Variants in HS3ST2 observed in about 807,000 individuals in gnomAD.
HS3ST2 encodes the protein heparan sulfate-glucosamine 3-sulfotransferase 2.
Under a neutral mutation model 26.3 loss-of-function variants are expected in HS3ST2, and 17 were observed. The observed-to-expected ratio is 0.65, with a 90% CI of 0.44 to 0.97. The LOEUF is 0.97. Among genes scored for constraint, HS3ST2 ranks in the 50% least tolerant of loss-of-function variants. The pLI is 0.00. For missense variants in HS3ST2, 402 were observed against 501.2 expected (o/e 0.80, Z 1.89); for synonymous variants, 237 against 219.2 (o/e 1.08, Z -0.72).
intron 1 of HS3ST2, among the ~76,000 whole-genome samples, chr16:22,908,884 G>T (rs1170859375): frequency 6.6e-6 from 1 of 152,130 alleles, no homozygotes; most frequent in Non-Finnish European, 1.5e-5. Context: ...GTAAAAGATA[G>T]GTTAAAATTC....
At chr16:22,900,233 C>G (rs1260267560) in intron 1 of HS3ST2, among the ~76,000 whole-genome samples, 1 of 152,212 alleles carries the variant, frequency 6.6e-6, no homozygotes, top group Non-Finnish European at 1.5e-5. Context: ...GCCATGCATG[C>G]TGTTTCGTGG....
At chr16:22,831,237 G>A (rs1484473405) in intron 1 of HS3ST2, among the ~76,000 whole-genome samples, 1 of 152,208 alleles carries the variant, frequency 6.6e-6, no homozygotes, top group Non-Finnish European at 1.5e-5. Flanking sequence ...TTTGTTTTTA[G>A]CCACTAGTGG....
chr16:22,883,480 T>C (rs1485304956), intron 1 of HS3ST2, among the ~76,000 whole-genome samples: 1 of 152,240 alleles, frequency 6.6e-6, no homozygotes, highest in Non-Finnish European at 1.5e-5. Flanking sequence ...GGGTCTGTGC[T>C]ATGTAGGGTG....
chr16:22,853,650 G>A (rs1179709788), intron 1 of HS3ST2, among the ~76,000 whole-genome samples: 1 of 152,110 alleles, frequency 6.6e-6, no homozygotes, highest in East Asian at 1.9e-4. Context: ...GATGAGATGG[G>A]CCTGAAGGTG....
At chr16:22,875,663 AGCCACCGCAGTGTG>A (rs1901905729) in intron 1 of HS3ST2, among the ~76,000 whole-genome samples, 1 of 152,158 alleles carries the variant, frequency 6.6e-6, no homozygotes, top group African/African-American at 2.4e-5. Flanking sequence ...TACAGGCATG[AGCCACCGCAGTGTG>A]GCCTAAGTGT....
At chr16:22,819,826 T>A (rs895099206) in intron 1 of HS3ST2, among the ~76,000 whole-genome samples, 10 of 152,260 alleles carry the variant, frequency 6.6e-5, no homozygotes, top group African/African-American at 2.4e-4. Flanking sequence ...CATTATCCAG[T>A]TCATTTTCAT....
In HS3ST2 at chr16:22,864,882, C is replaced by CAAAAAAAAAAAA. The variant is rs34942780; in HGVS notation, c.485+49796_485+49807dup. On this transcript the variant is annotated intron_variant, in intron 1 of 1. Coordinates refer to ENST00000261374, the MANE Select transcript of HS3ST2 (RefSeq NM_006043.2). The stretch of plus-strand genomic sequence containing the variant: ...GCAACATAGGGAGACCCTGTCTCCA[C>CAAAAAAAAAAAA]AAAAAAAAAAAAAAAAAAAATAGCC... Among the ~76,000 whole-genome samples, 122 of 57,076 alleles carry CAAAAAAAAAAAA rather than the reference C, an allele frequency of 2.1e-3. 11 individuals carry two copies. Among genetic ancestry groups the CAAAAAAAAAAAA allele is most frequent in the East Asian group, 5.0e-3 (11 of 2,222 alleles). 37.4% of individuals were successfully genotyped at this position (57,076 alleles called of 152,430 possible). A position where few individuals can be genotyped will look rare whatever the true frequency, so the allele number is the denominator to read the frequency against.
intron 1 of HS3ST2, among the ~76,000 whole-genome samples, chr16:22,830,061 A>C (rs1202519063): frequency 6.6e-6 from 1 of 152,152 alleles, no homozygotes; most frequent in Non-Finnish European, 1.5e-5. Context: ...CCCCAGACAG[A>C]CAGCCAGCAA....
intron 1 of HS3ST2, among the ~76,000 whole-genome samples, chr16:22,857,962 A>C (rs1273910281): frequency 6.6e-6 from 1 of 152,178 alleles, no homozygotes; most frequent in African/African-American, 2.4e-5. Flanking sequence ...TAAGTAGGAT[A>C]GCTTTTGCGG....
At chr16:22,894,672 G>A (rs1902181336) in intron 1 of HS3ST2, among the ~76,000 whole-genome samples, 1 of 151,932 alleles carries the variant, frequency 6.6e-6, no homozygotes, top group Non-Finnish European at 1.5e-5. Flanking sequence ...CCCAAGGTGG[G>A]CGGATCACTT....
chr16:22,851,299 C>A (rs1779515761), intron 1 of HS3ST2, among the ~76,000 whole-genome samples: 1 of 152,194 alleles, frequency 6.6e-6, no homozygotes. Context: ...AAACCACCTG[C>A]ATTTTATGTG....
chr16:22,899,708 C>T (rs1350910778), intron 1 of HS3ST2, among the ~76,000 whole-genome samples: 15 of 152,186 alleles, frequency 9.9e-5, no homozygotes. Context: ...AGCAAAAACA[C>T]GTCTTACATG....
At chr16:22,905,369 A>G (rs138285152) in intron 1 of HS3ST2, among the ~76,000 whole-genome samples, 56 of 151,284 alleles carry the variant, frequency 3.7e-4, no homozygotes, top group African/African-American at 1.4e-3. Context: ...TCAAAAATAT[A>G]ATTTCCAGAA....
In HS3ST2 at chr16:22,915,259, T is replaced by C; in HGVS notation, c.801T>C (p.Ala267=). The C allele has an allele frequency of 6.2e-7, 1 of 1,613,976 alleles. No homozygotes were observed. Among genetic ancestry groups the C allele is most frequent in the Non-Finnish European group, 8.5e-7 (1 of 1,180,016 alleles). Residue 267 remains alanine (A), a synonymous_variant, in exon 2 of 2, where the codon GCT becomes GCC. Coordinates refer to ENST00000261374, the MANE Select transcript of HS3ST2 (RefSeq NM_006043.2). ...GCTGGCTGCAGTACTTCCCGCTAGCTCAGATTCACTTCGTCAGTGGCGAGC... is the reference window on the plus strand; with the variant it reads ...GCTGGCTGCAGTACTTCCCGCTAGCCCAGATTCACTTCGTCAGTGGCGAGC... ...LESWLQYFPL[A]QIHFVSGERL... is the part of the protein sequence containing the mutation.
rs1384026489 is a variant in HS3ST2 at position 22,814,600 on chromosome 16, C to A, written c.-11C>A. 2.0e-6 allele frequency: 3 copies of A among 1,522,126 alleles called. No homozygotes were observed. The highest frequency in any genetic ancestry group is 5.1e-5 in the East Asian group (2 of 39,168). The allele number at this position is 1,522,126 out of a possible 1,614,324, so 94.3% of individuals were successfully genotyped here. ...CGGAAACCATGACCCCCGGCGCGGGCCCATGGAGCCATGGCCTATAGGGTC... is the reference window on the plus strand; with the variant it reads ...CGGAAACCATGACCCCCGGCGCGGGACCATGGAGCCATGGCCTATAGGGTC... On this transcript the variant is annotated 5_prime_UTR_variant, in exon 1 of 2. Coordinates refer to ENST00000261374, the MANE Select transcript of HS3ST2 (RefSeq NM_006043.2).
At chr16:22,877,305 G>C (rs901039434) in intron 1 of HS3ST2, among the ~76,000 whole-genome samples, 3 of 152,184 alleles carry the variant, frequency 2.0e-5, no homozygotes, top group Admixed American at 2.0e-4. Flanking sequence ...AGAGGAGCAG[G>C]AATACCTTTG....
intron 1 of HS3ST2, among the ~76,000 whole-genome samples, chr16:22,880,413 T>C (rs1331847857): frequency 6.6e-6 from 1 of 152,040 alleles, no homozygotes; most frequent in South Asian, 2.1e-4. Flanking sequence ...TGAGACCTTG[T>C]CTCTAAAAAT....
intron 1 of HS3ST2, among the ~76,000 whole-genome samples, chr16:22,858,032 G>A (rs928110608): frequency 3.9e-5 from 6 of 151,902 alleles, no homozygotes; most frequent in African/African-American, 1.5e-4. Context: ...GCCAGCCGCC[G>A]TGCTAGACCC....
At chr16:22,824,777 G>A (rs924425632) in intron 1 of HS3ST2, among the ~76,000 whole-genome samples, 2 of 152,200 alleles carry the variant, frequency 1.3e-5, no homozygotes, top group Admixed American at 6.5e-5. Flanking sequence ...TGTCTATGAT[G>A]ACAGGGCTTC....
Sources: gnomAD v4.1 joint callset for allele counts (sites outside exome capture counted in the v4.1 genomes callset) on GRCh38, gnomAD v4.1.1 for gene constraint, MANE v1.5 for transcripts, NCBI Gene and HGNC (gene_info 2026-07-23, HGNC 2026-07-21) for gene names.